The following NECTIN3 variants were observed in gnomAD, a reference collection of about 807,000 sequenced individuals.
The protein encoded by NECTIN3 is nectin-3.
In NECTIN3, 8 loss-of-function variants were observed where a neutral mutation model predicts 49.4. That is an observed-to-expected ratio of 0.16 (90% confidence interval 0.10 to 0.29). The LOEUF (loss-of-function observed/expected upper bound fraction) is 0.29, where lower values mean the gene tolerates loss of function less well. Ranked by LOEUF, NECTIN3 falls within the 10% of genes least tolerant of loss-of-function variation. NECTIN3 has a pLI of 1.00. For synonymous variants in NECTIN3, 277 were observed against 241.1 expected (o/e 1.15, Z -1.38); for missense variants, 581 against 654.6 (o/e 0.89, Z 1.23).
intron 1 of NECTIN3, among the ~76,000 whole-genome samples, chr3:111,089,590 G>C (rs192674190): frequency 2.0e-5 from 3 of 152,010 alleles, no homozygotes; most frequent in Non-Finnish European, 4.4e-5. Flanking sequence ...TTAAGTAAAT[G>C]GGATTTTAAA....
chr3:111,145,146 A>G lies in NECTIN3; in HGVS notation c.1139+109A>G. On this transcript the variant is annotated intron_variant, in intron 6 of 8. Coordinates refer to the NECTIN3 transcript ENST00000493615. ...GAACTTAAGGGATAGAAGTAAGGAT[A>G]ATGTTAGGCCTTTGTTAGATGACCG... 3 of 1,232,864 alleles carry G rather than the reference A, an allele frequency of 2.4e-6. No homozygotes were observed. In the South Asian group the frequency reaches 4.5e-5, roughly 19 times the overall value. 76.4% of individuals were successfully genotyped at this position (1,232,864 alleles called of 1,614,324 possible). A position where few individuals can be genotyped will look rare whatever the true frequency, so the allele number is the denominator to read the frequency against.
chr3:111,072,583 C>T lies in NECTIN3; in HGVS notation c.160+406C>T, dbSNP rs2030860948. The T allele has an allele frequency of 2.6e-6, 4 of 1,534,762 alleles. No individual in the cohort carries two copies. The Admixed American group carries it at 5.9e-5, about 23-fold the overall frequency. ...AAACTTGAGCTGTGAGCCCAGAAAC[C>T]CTAGGGACCGGAGCCCGATGGAATG... On this transcript the variant is annotated intron_variant, in intron 1 of 5. Coordinates refer to ENST00000485303, the MANE Select transcript of NECTIN3 (RefSeq NM_015480.3).
At chr3:111,173,407 A>G (rs1294255512) in intron 7 of NECTIN3, among the ~76,000 whole-genome samples, 1 of 152,082 alleles carries the variant, frequency 6.6e-6, no homozygotes, top group Non-Finnish European at 1.5e-5. Context: ...AAACTCTTAC[A>G]CATCTGTTTC....
chr3:111,148,352 G>C (rs769662593), intron 7 of NECTIN3, among the ~76,000 whole-genome samples: 8 of 152,182 alleles, frequency 5.3e-5, no homozygotes, highest in Non-Finnish European at 1.2e-4. Flanking sequence ...GCAGGAAGGA[G>C]CATTCCCTGG....
At chr3:111,097,509 A>G (rs183255600) in intron 1 of NECTIN3, among the ~76,000 whole-genome samples, 1 of 152,212 alleles carries the variant, frequency 6.6e-6, no homozygotes, top group East Asian at 1.9e-4. Context: ...ATGGAATGAT[A>G]TGGTTTGGCT....
chr3:111,156,158 ATCACC>A (rs1315623488), intron 7 of NECTIN3, among the ~76,000 whole-genome samples: 3 of 152,308 alleles, frequency 2.0e-5, no homozygotes, highest in Admixed American at 2.0e-4. Context: ...TTTATCTCAA[ATCACC>A]AGCCTTCACT....
intron 7 of NECTIN3, among the ~76,000 whole-genome samples, chr3:111,173,813 T>A (rs1193141245): frequency 2.0e-5 from 3 of 152,194 alleles, no homozygotes; most frequent in African/African-American, 7.2e-5. Context: ...CTCTTTTTTT[T>A]TGTACACCTG....
chr3:111,158,175 AC>A (rs1207928533), intron 7 of NECTIN3, among the ~76,000 whole-genome samples: 1 of 152,084 alleles, frequency 6.6e-6, no homozygotes, highest in Non-Finnish European at 1.5e-5. Flanking sequence ...CTTAAAATGC[AC>A]TTTGAATGAT....
intron 7 of NECTIN3, among the ~76,000 whole-genome samples, chr3:111,157,938 G>T (rs1490156550): frequency 1.3e-5 from 2 of 152,036 alleles, no homozygotes; most frequent in Non-Finnish European, 2.9e-5. Context: ...TATTATAAAA[G>T]CACACACAGT....
Position 111,118,826 on chromosome 3 carries a change from G to T in NECTIN3, c.673G>T (p.Ala225Ser). 6.2e-7 allele frequency: 1 copy of T among 1,614,088 alleles called. No homozygotes were observed. Residue 225 changes from alanine (A) to serine (S), a missense_variant, in exon 3 of 6, where the codon GCA becomes TCA. Around this residue, in one of 3 missense-constraint regions of NECTIN3, gnomAD observed 234 missense variants for 340.6 expected, o/e 0.69. Transcript: ENST00000485303. ...STTTSFPNET[A>S]TIISQYKLFP... ...TACAACTTCTTTTCCAAATGAAACG[G>T]CAACGATTATCAGCCAGTACAAGCT... is the stretch of plus-strand genomic sequence containing the variant.
intron 1 of NECTIN3, among the ~76,000 whole-genome samples, chr3:111,084,509 C>A (rs1055723027): frequency 6.6e-6 from 1 of 152,092 alleles, no homozygotes; most frequent in African/African-American, 2.4e-5. Context: ...GTTCTGGGAA[C>A]CACTTGTGTT....
chr3:111,118,602 TATAAAC>T (rs2033809508), intron 2 of NECTIN3, 48 bp from the exon 3 acceptor site: 3 of 1,414,022 alleles, frequency 2.1e-6, no homozygotes, highest in Non-Finnish European at 2.8e-6. Context: ...CTTGGAAAGA[TATAAAC>T]ATATTCTTGT....
chr3:111,072,198 G>C, intron 1 of NECTIN3, 21 bp downstream of exon 1: 2 of 1,535,936 alleles, frequency 1.3e-6, no homozygotes, highest in South Asian at 1.2e-5. Flanking sequence ...CTCGGCGGCC[G>C]GCGTGGGCTG....
At chr3:111,099,147 C>T (rs1303578356) in intron 1 of NECTIN3, among the ~76,000 whole-genome samples, 1 of 152,182 alleles carries the variant, frequency 6.6e-6, no homozygotes, top group Non-Finnish European at 1.5e-5. Flanking sequence ...ATAAATGCTA[C>T]TGATCTCCTA....
intron 5 of NECTIN3, among the ~76,000 whole-genome samples, chr3:111,133,406 G>A (rs977881502): frequency 7.2e-5 from 11 of 151,902 alleles, no homozygotes; most frequent in African/African-American, 2.7e-4. Context: ...TACACCATAG[G>A]TTTTATTCCT....
rs997984021 is a variant in NECTIN3 at position 111,135,471 on chromosome 3, A to G, written c.*1256A>G. 2.3e-5 allele frequency: 22 copies of G among 955,584 alleles called. No individual in the cohort carries two copies. Among genetic ancestry groups the G allele is most frequent in the Non-Finnish European group, 2.6e-5 (21 of 802,956 alleles). The allele number at this position is 955,584 out of a possible 1,614,324, so 59.2% of individuals were successfully genotyped here. A position where few individuals can be genotyped will look rare whatever the true frequency, so the allele number is the denominator to read the frequency against. Reference sequence around the variant, plus strand: ...GAAAGAAATGTTACCTAAACTTCAAATGTGCTTTTTGTTTGTGAGGTAATT... The same window carrying G: ...GAAAGAAATGTTACCTAAACTTCAAGTGTGCTTTTTGTTTGTGAGGTAATT... On this transcript the variant is annotated 3_prime_UTR_variant, in exon 6 of 6. Transcript: ENST00000485303.
At chr3:111,122,833 A>G (rs1430424443) in intron 4 of NECTIN3, among the ~76,000 whole-genome samples, 1 of 151,918 alleles carries the variant, frequency 6.6e-6, no homozygotes, top group Non-Finnish European at 1.5e-5. Context: ...GTTTTTATTC[A>G]TATTTTGTCA....
At chr3:111,074,249 A>G (rs1047026557) in intron 1 of NECTIN3, 1 of 456,448 alleles carries the variant, frequency 2.2e-6, no homozygotes. Flanking sequence ...AATTTTCTTC[A>G]AGTAAGCTGT....
intron 5 of NECTIN3, among the ~76,000 whole-genome samples, chr3:111,130,059 C>T (rs2034329133): frequency 6.6e-6 from 1 of 151,364 alleles, no homozygotes; most frequent in African/African-American, 2.4e-5. Flanking sequence ...GGGTTCACGG[C>T]CACTCTCCTG....
Sources: allele counts gnomAD v4.1 joint callset (sites outside exome capture counted in the v4.1 genomes callset), GRCh38; gene constraint gnomAD v4.1.1; regional missense constraint gnomAD v4.1.1; transcripts MANE v1.5; gene names NCBI Gene and HGNC (gene_info 2026-07-23, HGNC 2026-07-21).